STAP1: variants seen among roughly 807,000 people sequenced by gnomAD.
STAP1 encodes the protein signal transducing adaptor family member 1.
Under a neutral mutation model 37.8 loss-of-function variants are expected in STAP1, and 30 were observed. That is an observed-to-expected ratio of 0.79 (90% CI 0.59 to 1.08). The LOEUF is 1.08. Among genes scored for constraint, STAP1 ranks in the 50% least tolerant of loss-of-function variants. The probability of loss-of-function intolerance (pLI) is 0.00; values close to 1 mark genes in which losing one functional copy is unlikely to be tolerated. For synonymous variants in STAP1, 130 were observed against 116.0 expected (o/e 1.12, Z -0.78); for missense variants, 357 against 349.4 (o/e 1.02, Z -0.17).
chr4:67,592,033 A>C (rs908884922), intron 7 of STAP1, among the ~76,000 whole-genome samples: 2 of 152,196 alleles, frequency 1.3e-5, no homozygotes, highest in African/African-American at 4.8e-5. Flanking sequence ...TACAGTCTAC[A>C]GTGTAAGGAA....
At chr4:67,560,224 A>T (rs1240447685) in intron 1 of STAP1, among the ~76,000 whole-genome samples, 1 of 75,578 alleles carries the variant, frequency 1.3e-5, no homozygotes, top group African/African-American at 3.5e-5. Context: ...TAAGAATTTT[A>T]GAGTGTCCTT....
rs748061826 is a variant in STAP1 at position 67,558,866 on chromosome 4, A to G, written c.57A>G (p.Leu19=). Residue 19 remains leucine, a synonymous_variant, in exon 1 of 9, where the codon TTA becomes TTG. Transcript: ENST00000265404. ...PAPRRIFQER[L]KITALPLYFE... is the part of the protein sequence containing the mutation. Reference sequence around the variant, plus strand: ...CTCGCAGGATCTTCCAGGAAAGGTTAAAGATTACTGCTCTACCTTTGTACT... The same window carrying G: ...CTCGCAGGATCTTCCAGGAAAGGTTGAAGATTACTGCTCTACCTTTGTACT... The G allele has an allele frequency of 1.8e-5, 29 of 1,613,842 alleles. No individual in the cohort carries two copies. Among genetic ancestry groups the G allele is most frequent in the Non-Finnish European group, 2.4e-5 (28 of 1,179,886 alleles).
intron 1 of STAP1, among the ~76,000 whole-genome samples, chr4:67,567,115 T>C (rs976754244): frequency 2.6e-5 from 4 of 152,176 alleles, no homozygotes; most frequent in African/African-American, 9.7e-5. Flanking sequence ...AGACTTTGGA[T>C]GGGGTTGAAA....
Position 67,562,708 on chromosome 4 carries a change from C to T in STAP1, c.120+3779C>T, listed in dbSNP as rs559755595. ...AATGGCGTGAACCCAGGAGGCGGAG[C>T]TTGCAGGGAGCGGAGATTGCGCCAT... is the stretch of plus-strand genomic sequence containing the variant. On this transcript the variant is annotated intron_variant, in intron 1 of 8. Coordinates refer to ENST00000265404, the MANE Select transcript of STAP1 (RefSeq NM_012108.4). 2.6e-3 allele frequency among the ~76,000 whole-genome samples: 401 copies of T among 151,600 alleles called. 3 individuals carry two copies. Among genetic ancestry groups the T allele is most frequent in the Non-Finnish European group, 2.5e-3 (167 of 67,870 alleles).
At position 67,559,031 on chromosome 4, in the gene STAP1, A is replaced by G. The variant is rs192392809; in HGVS notation, c.120+102A>G. ...TTAAGACCTCCTTGTTTCTGTTGAA[A>G]TTAAATCATCTTCTCTTCTTTGAGC... On this transcript the variant is annotated intron_variant, in intron 1 of 8. Coordinates refer to ENST00000265404, the MANE Select transcript of STAP1 (RefSeq NM_012108.4). 53 of 1,172,826 alleles carry G rather than the reference A, an allele frequency of 4.5e-5. No individual in the cohort carries two copies. The East Asian group carries it at 1.4e-3, about 31-fold the overall frequency. 72.7% of individuals were successfully genotyped at this position (1,172,826 alleles called of 1,614,324 possible).
At chr4:67,588,355 AT>A (rs1728038419) in intron 6 of STAP1, among the ~76,000 whole-genome samples, 2 of 92,742 alleles carry the variant, frequency 2.2e-5, no homozygotes, top group Non-Finnish European at 5.9e-5. Context: ...GACGACGACG[AT>A]GATGATGATG....
chr4:67,589,757 A>T (rs1251808685), intron 6 of STAP1, among the ~76,000 whole-genome samples: 2 of 152,184 alleles, frequency 1.3e-5, no homozygotes, highest in Non-Finnish European at 2.9e-5. Flanking sequence ...TTCTGATCTC[A>T]GTGTAAATTT....
intron 6 of STAP1, among the ~76,000 whole-genome samples, chr4:67,585,916 C>T (rs2319417): frequency 0.46 from 69,491 of 151,980 alleles, 17,231 homozygotes; most frequent in Non-Finnish European, 0.58. Context: ...TATCCTTAAC[C>T]GTTTACTTCC....
intron 6 of STAP1, among the ~76,000 whole-genome samples, chr4:67,589,326 G>A (rs1728072139): frequency 6.6e-6 from 1 of 152,194 alleles, no homozygotes; most frequent in Non-Finnish European, 1.5e-5. Context: ...CTTTTAGGAA[G>A]GAAAAGGGTT....
At chr4:67,595,372 C>CAAAAAAA (rs34185676) in intron 8 of STAP1, among the ~76,000 whole-genome samples, 4 of 87,812 alleles carry the variant, frequency 4.6e-5, no homozygotes, top group African/African-American at 1.8e-4. Context: ...TTCGTTTCTA[C>CAAAAAAA]AAAAAAAAAA....
intron 1 of STAP1, among the ~76,000 whole-genome samples, chr4:67,565,197 ATTTT>A (rs1159788257): frequency 6.6e-6 from 1 of 152,188 alleles, no homozygotes; most frequent in Non-Finnish European, 1.5e-5. Flanking sequence ...AAGTACAAGT[ATTTT>A]TTAACAGAGT....
At chr4:67,588,345 G>A (rs1046937290) in intron 6 of STAP1, among the ~76,000 whole-genome samples, 7 of 127,396 alleles carry the variant, frequency 5.5e-5, no homozygotes. Context: ...TGCCATAGAC[G>A]ACGACGACGA....
At chr4:67,591,011 T>G in intron 7 of STAP1, 58 bp downstream of exon 7, 4 of 1,380,978 alleles carry the variant, frequency 2.9e-6, no homozygotes, top group Non-Finnish European at 4.0e-6. Flanking sequence ...TATAGCCTCC[T>G]AGTGCTGGCA....
chr4:67,593,088 T>G (rs1232157424), intron 7 of STAP1, among the ~76,000 whole-genome samples, 172 bp from the exon 8 acceptor site: 1 of 152,200 alleles, frequency 6.6e-6, no homozygotes, highest in African/African-American at 2.4e-5. Context: ...AATGGACACA[T>G]GGTCAATTAA....
rs919502876 is a variant in STAP1, at chr4:67,593,335, T to A, written c.805T>A (p.Cys269Ser). 3 of 1,611,410 alleles carry A rather than the reference T, an allele frequency of 1.9e-6. No homozygotes were observed. Among genetic ancestry groups the A allele is most frequent in the Non-Finnish European group, 2.5e-6 (3 of 1,178,406 alleles). The change falls in exon 8 of 9, where the codon TGT becomes AGT. Residue 269 changes from cysteine (C) to serine (S), a missense_variant. Transcript: ENST00000265404. ...ETRGNLRPFICSTDENTGQEP... is the reference protein window; with the variant it reads ...ETRGNLRPFISSTDENTGQEP... ...TCGAGGAAATTTAAGACCATTTATATGTTCAACTGATGAAAACACTGGTAT... is the reference window on the plus strand; with the variant it reads ...TCGAGGAAATTTAAGACCATTTATAAGTTCAACTGATGAAAACACTGGTAT...
rs3816821 is a variant in STAP1 at position 67,593,219 on chromosome 4, G to T, written c.730-41G>T. The T allele has an allele frequency of 3.6e-6, 5 of 1,406,960 alleles. No individual in the cohort carries two copies. In the African/African-American group the frequency reaches 7.2e-5, roughly 20 times the overall value. 87.2% of individuals were successfully genotyped at this position (1,406,960 alleles called of 1,614,324 possible). The stretch of plus-strand genomic sequence containing the variant: ...GAGCCTTCTCTTACTCTATACTTAT[G>T]CAGGTGATGCTGAGTTTTCTCTCAC... On this transcript the variant is annotated intron_variant, in intron 7 of 8. Transcript: ENST00000265404.
intron 1 of STAP1, among the ~76,000 whole-genome samples, chr4:67,568,385 T>C (rs1454390107): frequency 6.6e-5 from 10 of 152,188 alleles, no homozygotes; most frequent in East Asian, 1.9e-4. Context: ...GATTAACATG[T>C]TTATTAAAAT....
chr4:67,580,417 CAT>C (rs1033853103), intron 4 of STAP1, among the ~76,000 whole-genome samples: 2 of 152,184 alleles, frequency 1.3e-5, no homozygotes, highest in African/African-American at 4.8e-5. Flanking sequence ...CATATTAAAA[CAT>C]ATATAATAAT....
chr4:67,572,460 C>T (rs957863864), intron 2 of STAP1, among the ~76,000 whole-genome samples: 25 of 152,004 alleles, frequency 1.6e-4, no homozygotes, highest in Admixed American at 9.2e-4. Flanking sequence ...GTAATAAATA[C>T]CCACCCTCAC....
Sources: allele counts gnomAD v4.1 joint callset (sites outside exome capture counted in the v4.1 genomes callset), GRCh38; gene constraint gnomAD v4.1.1; transcripts MANE v1.5; gene names NCBI Gene and HGNC (gene_info 2026-07-23, HGNC 2026-07-21).